Variants in ANK3 observed in about 807,000 individuals in gnomAD.
ANK3 encodes the protein ankyrin 3, also known as ankyrin-3.
A neutral mutation model predicts 370.9 loss-of-function variants in ANK3; 57 were observed. The ratio of observed to expected loss-of-function variants is 0.15; its 90% CI spans 0.12 to 0.19. ANK3 has a LOEUF of 0.19. Ranked by LOEUF, ANK3 falls within the 10% of genes least tolerant of loss-of-function variation. The pLI is 1.00. For synonymous variants in ANK3, 1,929 were observed against 1,946.3 expected (o/e 0.99, Z 0.23); for missense variants, 4,439 against 5,302.1 (o/e 0.84, Z 5.06).
chr10:60,305,173 C>T (rs1016285396), intron 1 of ANK3, among the ~76,000 whole-genome samples: 1 of 152,144 alleles, frequency 6.6e-6, no homozygotes, highest in African/African-American at 2.4e-5. Flanking sequence ...CCAGGACACA[C>T]CCCAAGCTCA....
chr10:60,417,203 G>A (rs2063686770), intron 2 of ANK3, among the ~76,000 whole-genome samples: 1 of 152,114 alleles, frequency 6.6e-6, no homozygotes, highest in Non-Finnish European at 1.5e-5. Flanking sequence ...GTGTGCTCAG[G>A]GAAAAAGTGA....
At chr10:60,332,086 T>C (rs1351435011) in intron 1 of ANK3, among the ~76,000 whole-genome samples, 2 of 152,154 alleles carry the variant, frequency 1.3e-5, no homozygotes, top group African/African-American at 4.8e-5. Flanking sequence ...CCATTTTCTA[T>C]TGTGCTAACC....
At chr10:60,085,019 G>T in intron 31 of ANK3, 138 bp downstream of exon 31, 2 of 778,318 alleles carry the variant, frequency 2.6e-6, no homozygotes, top group Non-Finnish European at 4.0e-6. Flanking sequence ...GTTATTTGAG[G>T]ATAATTTTGA....
chr10:60,602,910 T>C (rs2078083338), intron 2 of ANK3, among the ~76,000 whole-genome samples: 1 of 152,166 alleles, frequency 6.6e-6, no homozygotes, highest in Admixed American at 6.6e-5. Context: ...ATGATTTCAA[T>C]ATAATTTCTT....
intron 2 of ANK3, among the ~76,000 whole-genome samples, chr10:60,567,085 C>A (rs1003072884): frequency 6.6e-6 from 1 of 152,146 alleles, no homozygotes; most frequent in East Asian, 1.9e-4. Context: ...GAAGTTATAG[C>A]AAGTTATCCA....
chr10:60,071,002 G>A lies in ANK3; in HGVS notation c.9879C>T (p.Tyr3293=), dbSNP rs756612351. The change falls in exon 37 of 44, where the codon TAC becomes TAT. Residue 3293 remains tyrosine, a synonymous_variant. Coordinates refer to ENST00000280772, the MANE Select transcript of ANK3 (RefSeq NM_020987.5). ...EVNLQDEHDK[Y]QLAEPVIRVQ... ...CTCTAATGACAGGTTCAGCCAGCTG[G>A]TACTTGTCATGCTCATCTTGCAGAT... 1 of 1,614,158 alleles carries A rather than the reference G, an allele frequency of 6.2e-7. No homozygotes were observed. The highest frequency in any genetic ancestry group is 1.7e-5 in the Admixed American group (1 of 60,018).
chr10:60,059,731 C>T, intron 40 of ANK3: 2 of 1,613,846 alleles, frequency 1.2e-6, no homozygotes, highest in Non-Finnish European at 1.7e-6. Flanking sequence ...CTCTCATCTA[C>T]ATCCACTGCT....
intron 4 of ANK3, among the ~76,000 whole-genome samples, chr10:60,274,707 C>A (rs981015694): frequency 3.9e-5 from 6 of 152,190 alleles, no homozygotes; most frequent in African/African-American, 1.4e-4. Context: ...GTTTCCAAAG[C>A]TTTCTGAAAG....
chr10:60,088,856 T>C, intron 28 of ANK3, among the ~76,000 whole-genome samples: 1 of 151,672 alleles, frequency 6.6e-6, no homozygotes, highest in East Asian at 1.9e-4. Flanking sequence ...ATATAAGTAT[T>C]TGTAGAAAAT....
At chr10:60,350,505 G>C (rs1271267380) in intron 1 of ANK3, among the ~76,000 whole-genome samples, 1 of 152,208 alleles carries the variant, frequency 6.6e-6, no homozygotes, top group Non-Finnish European at 1.5e-5. Flanking sequence ...TTCCAAGTTT[G>C]TCTCATGTAA....
chr10:60,048,322 G>A (rs1188933541), intron 42 of ANK3, among the ~76,000 whole-genome samples: 1 of 152,180 alleles, frequency 6.6e-6, no homozygotes, highest in Non-Finnish European at 1.5e-5. Flanking sequence ...CAGCATTCCA[G>A]CCCCATCAAA....
At chr10:60,226,294 T>C (rs1489608088) in intron 8 of ANK3, among the ~76,000 whole-genome samples, 1 of 112,912 alleles carries the variant, frequency 8.9e-6, no homozygotes, top group African/African-American at 3.5e-5. Flanking sequence ...TGCTATATTA[T>C]ATAGTATATG....
intron 1 of ANK3, among the ~76,000 whole-genome samples, chr10:60,371,377 G>A (rs1424183730): frequency 1.3e-5 from 2 of 152,016 alleles, no homozygotes; most frequent in African/African-American, 4.8e-5. Context: ...TGTTGGTGAG[G>A]CTGCACCTTA....
chr10:60,415,350 G>C (rs1377921232), intron 2 of ANK3, among the ~76,000 whole-genome samples: 1 of 152,122 alleles, frequency 6.6e-6, no homozygotes, highest in African/African-American at 2.4e-5. Flanking sequence ...ATCATTCAGA[G>C]GCAGCCTGGA....
intron 25 of ANK3, among the ~76,000 whole-genome samples, chr10:60,124,275 C>T (rs1391319754): frequency 6.6e-6 from 1 of 152,220 alleles, no homozygotes; most frequent in Non-Finnish European, 1.5e-5. Flanking sequence ...AATTCTCCTG[C>T]CTCAGCCTCC....
chr10:60,470,683 T>C (rs773336577), intron 2 of ANK3, among the ~76,000 whole-genome samples: 14 of 152,044 alleles, frequency 9.2e-5, no homozygotes, highest in Non-Finnish European at 1.8e-4. Flanking sequence ...CCGCTCTTAC[T>C]GCAACCCTTC....
chr10:60,635,261 T>C (rs968963208), intron 1 of ANK3, among the ~76,000 whole-genome samples: 1 of 152,194 alleles, frequency 6.6e-6, no homozygotes, highest in African/African-American at 2.4e-5. Flanking sequence ...TACCTATCTG[T>C]AGAGAGTGGT....
At chr10:60,158,198 C>A (rs1435231965) in intron 23 of ANK3, among the ~76,000 whole-genome samples, 2 of 152,044 alleles carry the variant, frequency 1.3e-5, no homozygotes, top group African/African-American at 4.8e-5. Flanking sequence ...CATGAAAAAC[C>A]AGACCTATCT....
At chr10:60,425,231 C>T (rs919988180) in intron 2 of ANK3, among the ~76,000 whole-genome samples, 8 of 151,956 alleles carry the variant, frequency 5.3e-5, no homozygotes, top group African/African-American at 9.7e-5. Context: ...GGTTTTACTG[C>T]GTAAGTGACA....
Sources: gnomAD v4.1 joint callset for allele counts (sites outside exome capture counted in the v4.1 genomes callset) on GRCh38, gnomAD v4.1.1 for gene constraint, MANE v1.5 for transcripts, NCBI Gene and HGNC (gene_info 2026-07-23, HGNC 2026-07-21) for gene names.